The following AGTRAP variants were observed in gnomAD, a reference collection of about 807,000 sequenced individuals.
AGTRAP encodes angiotensin II receptor associated protein, also known as type-1 angiotensin II receptor-associated protein.
In AGTRAP, 7 loss-of-function variants were observed where a neutral mutation model predicts 15.2. The observed-to-expected ratio is 0.46, with a 90% CI of 0.26 to 0.87. The LOEUF (loss-of-function observed/expected upper bound fraction) is 0.87, where lower values mean the gene tolerates loss of function less well. Ranked by LOEUF, AGTRAP falls within the 40% of genes least tolerant of loss-of-function variation. The pLI, the probability that AGTRAP is intolerant of heterozygous loss-of-function variation, is 0.15. For synonymous variants in AGTRAP, 74 were observed against 89.6 expected, an observed-to-expected ratio of 0.83 and a Z score of 0.98; for missense variants, 187 against 213.4, an observed-to-expected ratio of 0.88 and a Z score of 0.77.
At chr1:11,739,536 A>G (rs530266900) in intron 1 of AGTRAP, among the ~76,000 whole-genome samples, 5 of 152,186 alleles carry the variant, frequency 3.3e-5, no homozygotes, top group Non-Finnish European at 5.9e-5. Context: ...TGGGCGACAG[A>G]GCAAGACTCT....
chr1:11,739,576 T>C (rs922701016), intron 1 of AGTRAP, among the ~76,000 whole-genome samples: 2 of 152,154 alleles, frequency 1.3e-5, no homozygotes, highest in Admixed American at 1.3e-4. Context: ...AAACTCTGGC[T>C]GGATAGATTG....
chr1:11,744,602 C>T (rs1642116996), intron 1 of AGTRAP: 1 of 714,292 alleles, frequency 1.4e-6, no homozygotes, highest in African/African-American at 1.8e-5. Context: ...CCATCGAGGC[C>T]TCTTCTGATT....
chr1:11,739,235 C>T (rs561542012), intron 1 of AGTRAP, among the ~76,000 whole-genome samples: 2 of 152,258 alleles, frequency 1.3e-5, no homozygotes, highest in South Asian at 2.1e-4. Flanking sequence ...TGGTCCAGGA[C>T]GTAGTCTAGA....
intron 2 of AGTRAP, chr1:11,746,258 G>A (rs774223133): frequency 1.2e-5 from 19 of 1,532,352 alleles, no homozygotes; most frequent in East Asian, 2.3e-5. Context: ...CATGATTCAC[G>A]ACCTTGAGAA....
chr1:11,747,820 G>A (rs1642203742), intron 3 of AGTRAP, among the ~76,000 whole-genome samples: 1 of 152,248 alleles, frequency 6.6e-6, no homozygotes, highest in South Asian at 2.1e-4. Context: ...CAGTGCCTCG[G>A]ATTAGCCACT....
intron 1 of AGTRAP, among the ~76,000 whole-genome samples, chr1:11,739,811 G>A (rs955522727): frequency 1.3e-5 from 2 of 152,208 alleles, no homozygotes; most frequent in African/African-American, 2.4e-5. Context: ...TTAACAGTTA[G>A]TAAACGGATA....
rs761445223 is a variant in AGTRAP at position 11,750,225 on chromosome 1, G to A, written c.*33G>A. 2 of 1,565,264 alleles carry A rather than the reference G, an allele frequency of 1.3e-6. No homozygotes were observed. The highest frequency in any genetic ancestry group is 1.7e-6 in the Non-Finnish European group (2 of 1,144,144). On this transcript the variant is annotated 3_prime_UTR_variant, in exon 5 of 5. Transcript: ENST00000314340. ...CACGCTGCGCCCGGCCCTGCCCCGG[G>A]CCTTCCTCGTGCCTGGGAGGTCGTT...
In AGTRAP at chr1:11,750,269, TCCGTCTCTTGGA is replaced by T; in HGVS notation, c.*80_*91del. On this transcript the variant is annotated 3_prime_UTR_variant, in exon 5 of 5. Coordinates refer to ENST00000314340, the MANE Select transcript of AGTRAP (RefSeq NM_020350.5). Reference sequence around the variant, plus strand: ...GGTCGTTCTAGGGATGCTCCTGACCTCCGTCTCTTGGACCTAAGATGGAATGTGTCCCCAGCT... The same window carrying T: ...GGTCGTTCTAGGGATGCTCCTGACCTCCTAAGATGGAATGTGTCCCCAGCT... 1 of 1,213,180 alleles carries T rather than the reference TCCGTCTCTTGGA, an allele frequency of 8.2e-7. No individual in the cohort carries two copies. Among genetic ancestry groups the T allele is most frequent in the Non-Finnish European group, 1.2e-6 (1 of 842,428 alleles). 75.2% of individuals were successfully genotyped at this position (1,213,180 alleles called of 1,614,324 possible). A position where few individuals can be genotyped will look rare whatever the true frequency, so the allele number is the denominator to read the frequency against.
intron 1 of AGTRAP, among the ~76,000 whole-genome samples, chr1:11,742,951 G>A (rs1190166286): frequency 6.6e-6 from 1 of 152,240 alleles, no homozygotes; most frequent in Non-Finnish European, 1.5e-5. Context: ...CCCCAGGCAT[G>A]TGGCATCTCT....
At chr1:11,748,379 G>T in intron 3 of AGTRAP, 36 bp from the exon 4 acceptor site, 1 of 1,591,748 alleles carries the variant, frequency 6.3e-7, no homozygotes. Flanking sequence ...GAGCGTGGTG[G>T]GGGTGTTGTG....
At chr1:11,740,708 C>A (rs1570339077) in intron 1 of AGTRAP, among the ~76,000 whole-genome samples, 1 of 152,218 alleles carries the variant, frequency 6.6e-6, no homozygotes, top group East Asian at 1.9e-4. Flanking sequence ...CCGGAATAAT[C>A]CAGGGCTCTG....
Position 11,736,165 on chromosome 1 carries a change from A to G in AGTRAP, c.-44A>G. The G allele has an allele frequency of 6.3e-7, 1 of 1,584,070 alleles. No individual in the cohort carries two copies. The highest frequency in any genetic ancestry group is 1.2e-5 in the South Asian group (1 of 86,820). ...TTGTTCCCCGAGTTCGGAGCCTAGG[A>G]GCCCCCCGCGGCTGCGGCGCAGGTG... On this transcript the variant is annotated 5_prime_UTR_variant, in exon 1 of 5. Transcript: ENST00000314340.
chr1:11,742,423 CCTT>C (rs1048088304), intron 1 of AGTRAP, among the ~76,000 whole-genome samples: 2 of 148,894 alleles, frequency 1.3e-5, no homozygotes, highest in African/African-American at 2.4e-5. Context: ...CCTTTCTTTC[CCTT>C]CTTTCCCTTC....
At chr1:11,741,326 G>C (rs991176914) in intron 1 of AGTRAP, among the ~76,000 whole-genome samples, 8 of 152,208 alleles carry the variant, frequency 5.3e-5, no homozygotes, top group Admixed American at 1.3e-4. Context: ...CCTTCAATCA[G>C]GTGCTTTCCT....
intron 1 of AGTRAP, among the ~76,000 whole-genome samples, chr1:11,744,068 G>A (rs1217717278): frequency 1.3e-5 from 2 of 152,184 alleles, no homozygotes; most frequent in Non-Finnish European, 2.9e-5. Context: ...TTGAGCCCAG[G>A]AATTTGAGAC....
intron 1 of AGTRAP, chr1:11,744,697 G>T: frequency 1.7e-6 from 1 of 584,544 alleles, no homozygotes. Flanking sequence ...CCCAAGAGAG[G>T]GTTCTTGGAT....
chr1:11,740,996 A>G (rs1642017942), intron 1 of AGTRAP, among the ~76,000 whole-genome samples: 1 of 151,914 alleles, frequency 6.6e-6, no homozygotes, highest in African/African-American at 2.4e-5. Context: ...GATGGAGGGG[A>G]CAGTGGTTAG....
At chr1:11,736,540 C>T (rs1641901479) in intron 1 of AGTRAP, among the ~76,000 whole-genome samples, 1 of 152,206 alleles carries the variant, frequency 6.6e-6, no homozygotes, top group African/African-American at 2.4e-5. Context: ...CTGTTGCCTG[C>T]ACGCCCAGAA....
intron 1 of AGTRAP, among the ~76,000 whole-genome samples, chr1:11,738,707 A>C (rs1641956216): frequency 6.6e-6 from 1 of 152,188 alleles, no homozygotes; most frequent in Non-Finnish European, 1.5e-5. Flanking sequence ...ACTAGGTTCT[A>C]AAGTCATGGA....
Sources: allele counts gnomAD v4.1 joint callset (sites outside exome capture counted in the v4.1 genomes callset), GRCh38; gene constraint gnomAD v4.1.1; transcripts MANE v1.5; gene names NCBI Gene and HGNC (gene_info 2026-07-23, HGNC 2026-07-21).